The following ZW10 variants were observed in gnomAD, a reference collection of about 807,000 sequenced individuals.
ZW10 encodes the protein centromere/kinetochore protein zw10 homolog.
A neutral mutation model predicts 87.8 loss-of-function variants in ZW10; 53 were observed. The observed-to-expected ratio is 0.60, with a 90% CI of 0.48 to 0.76. The LOEUF is 0.76. ZW10 is among the 30% of genes least tolerant of loss of function. The pLI, the probability that ZW10 is intolerant of heterozygous loss-of-function variation, is 0.00. For missense variants in ZW10, 837 were observed against 923.0 expected, an observed-to-expected ratio of 0.91 and a Z score of 1.21; for synonymous variants, 312 against 329.2, an observed-to-expected ratio of 0.95 and a Z score of 0.57.
chr11:113,734,698 G>A (rs759214126), intron 15 of ZW10, among the ~76,000 whole-genome samples: 1 of 151,968 alleles, frequency 6.6e-6, no homozygotes, highest in Non-Finnish European at 1.5e-5. Context: ...CCAGCTACTC[G>A]GGAGGCTGAG....
chr11:113,757,597 A>C, intron 7 of ZW10, 65 bp downstream of exon 7: 1 of 1,197,394 alleles, frequency 8.4e-7, no homozygotes, highest in East Asian at 2.7e-5. Context: ...CTTTAAAATA[A>C]TATTTACTTT....
At chr11:113,769,637 CG>C in intron 1 of ZW10, 1 of 265,710 alleles carries the variant, frequency 3.8e-6, no homozygotes, top group East Asian at 1.5e-4. Context: ...GCAGTAGATG[CG>C]GGAAGCCGGA....
intron 9 of ZW10, among the ~76,000 whole-genome samples, chr11:113,746,578 T>C (rs1953679622): frequency 1.3e-5 from 2 of 149,554 alleles, no homozygotes; most frequent in Admixed American, 6.7e-5. Context: ...AAACAATTCA[T>C]ATAAAATGTT....
chr11:113,755,417 T>C (rs1021910321), intron 7 of ZW10, among the ~76,000 whole-genome samples: 3 of 152,138 alleles, frequency 2.0e-5, no homozygotes, highest in African/African-American at 7.2e-5. Flanking sequence ...GAATCAGAAA[T>C]AGAGCCTGAA....
At chr11:113,744,677 C>T (rs893758839) in intron 9 of ZW10, among the ~76,000 whole-genome samples, 1 of 152,068 alleles carries the variant, frequency 6.6e-6, no homozygotes, top group Non-Finnish European at 1.5e-5. Context: ...TAGCCTCAAC[C>T]TCCCATGTAG....
At position 113,738,338 on chromosome 11, in the gene ZW10, A is replaced by G; in HGVS notation, c.1810T>C (p.Leu604=). ...TTTGAAAAGTTCCTAGCACTTGATA[A>G]TCTTTCCAGAAGTTCACCTTTCTGT... ...RAQKGELLER[L]SSARNFSNMD... Residue 604 remains leucine (L), a synonymous_variant, in exon 13 of 16, where the codon TTA becomes CTA. Transcript: ENST00000200135. 1 of 1,613,608 alleles carries G rather than the reference A, an allele frequency of 6.2e-7. No homozygotes were observed. The highest frequency in any genetic ancestry group is 8.5e-7 in the Non-Finnish European group (1 of 1,179,788).
At chr11:113,770,892 C>G (rs1953958260) in intron 1 of ZW10, among the ~76,000 whole-genome samples, 1 of 149,636 alleles carries the variant, frequency 6.7e-6, no homozygotes, top group Non-Finnish European at 1.5e-5. Context: ...CCTGCAGGTT[C>G]TAGATGAAGG....
Position 113,760,935 on chromosome 11 carries a change from A to C in ZW10, c.241-17T>G. On this transcript the variant is annotated splice_polypyrimidine_tract_variant and intron_variant, in intron 2 of 15. Transcript: ENST00000200135. ...CCGGCGGACCTAATTCACACATCAA[A>C]AACAAGTACTTTTAAGCTATACCAT... The C allele has an allele frequency of 6.2e-7, 1 of 1,609,150 alleles. No individual in the cohort carries two copies. Among genetic ancestry groups the C allele is most frequent in the East Asian group, 2.2e-5 (1 of 44,836 alleles).
chr11:113,755,592 T>C (rs1241176192), intron 7 of ZW10, among the ~76,000 whole-genome samples: 3 of 152,174 alleles, frequency 2.0e-5, no homozygotes, highest in Non-Finnish European at 2.9e-5. Flanking sequence ...AGTCCATAAA[T>C]TTAGTTGATA....
chr11:113,769,158 T>C (rs886184041), intron 1 of ZW10, among the ~76,000 whole-genome samples, 191 bp from the exon 2 acceptor site: 4 of 151,766 alleles, frequency 2.6e-5, no homozygotes, highest in Admixed American at 2.6e-4. Flanking sequence ...AGGGGTCTCA[T>C]AACATTATTA....
intron 11 of ZW10, among the ~76,000 whole-genome samples, chr11:113,741,102 AC>A (rs1000519907): frequency 7.7e-6 from 1 of 130,066 alleles, no homozygotes; most frequent in Non-Finnish European, 1.9e-5. Flanking sequence ...ACTAAAAAAT[AC>A]TTTAAATAGT....
intron 1 of ZW10, 120 bp downstream of exon 1, chr11:113,773,442 C>T (rs1467570264): frequency 9.1e-6 from 7 of 767,590 alleles, no homozygotes; most frequent in African/African-American, 1.8e-5. Context: ...ATCTCCCCAA[C>T]AGGCCCCACT....
chr11:113,768,357 A>C (rs1953928149), intron 2 of ZW10, among the ~76,000 whole-genome samples: 1 of 152,156 alleles, frequency 6.6e-6, no homozygotes. Flanking sequence ...AACAACCAAA[A>C]CTAAATAAAT....
chr11:113,767,383 T>C (rs1030807760), intron 2 of ZW10, among the ~76,000 whole-genome samples: 6 of 152,098 alleles, frequency 3.9e-5, no homozygotes, highest in Admixed American at 2.6e-4. Flanking sequence ...TGTCAGTGAA[T>C]GGAATGAAAC....
At chr11:113,744,259 C>T (rs1378999288) in intron 9 of ZW10, among the ~76,000 whole-genome samples, 1 of 152,022 alleles carries the variant, frequency 6.6e-6, no homozygotes, top group African/African-American at 2.4e-5. Flanking sequence ...TGGCAGCGTG[C>T]GCCTGTAGTC....
rs772240999 is a variant in ZW10 at position 113,748,220 on chromosome 11, G to A, written c.1089+37C>T. Reference sequence around the variant, plus strand: ...CAAAAGACAGCAATAAGAAACAACAGTGTCTTAAAACCTTCTGTGCTGTCT... The same window carrying A: ...CAAAAGACAGCAATAAGAAACAACAATGTCTTAAAACCTTCTGTGCTGTCT... On this transcript the variant is annotated intron_variant, in intron 8 of 15. Coordinates refer to ENST00000200135, the MANE Select transcript of ZW10 (RefSeq NM_004724.4). The A allele has an allele frequency of 2.6e-6, 4 of 1,538,844 alleles. No homozygotes were observed. In the South Asian group the frequency reaches 5.2e-5, roughly 20 times the overall value.
At chr11:113,767,281 A>G in intron 2 of ZW10, among the ~76,000 whole-genome samples, 1 of 151,820 alleles carries the variant, frequency 6.6e-6, no homozygotes. Flanking sequence ...AATATAATCC[A>G]ATTGCCTGTG....
At chr11:113,759,906 C>T (rs1451586348) in intron 5 of ZW10, among the ~76,000 whole-genome samples, 1 of 152,134 alleles carries the variant, frequency 6.6e-6, no homozygotes, top group Non-Finnish European at 1.5e-5. Context: ...TTAATGTGGT[C>T]GCAAATTGCT....
At chr11:113,767,176 T>C (rs61905746) in intron 2 of ZW10, among the ~76,000 whole-genome samples, 3 of 122,088 alleles carry the variant, frequency 2.5e-5, no homozygotes, top group African/African-American at 8.5e-5. Context: ...ACTACGATGA[T>C]TAAAAAAAAA....
Sources: gnomAD v4.1 joint callset for allele counts (sites outside exome capture counted in the v4.1 genomes callset) on GRCh38, gnomAD v4.1.1 for gene constraint, MANE v1.5 for transcripts, NCBI Gene and HGNC (gene_info 2026-07-23, HGNC 2026-07-21) for gene names.